Variants in HPSE2 observed in about 807,000 individuals in gnomAD.
The protein encoded by HPSE2 is heparanase 2 (inactive), also known as inactive heparanase-2.
In HPSE2, 38 loss-of-function variants were observed where a neutral mutation model predicts 60.5. The ratio of observed to expected loss-of-function variants is 0.63; its 90% CI spans 0.48 to 0.82. HPSE2 has a LOEUF of 0.82. Ranked by LOEUF, HPSE2 falls within the 40% of genes least tolerant of loss-of-function variation. The pLI, the probability that HPSE2 is intolerant of heterozygous loss-of-function variation, is 0.00. For missense variants in HPSE2, 713 were observed against 740.4 expected (o/e 0.96, Z 0.43); for synonymous variants, 295 against 293.2 (o/e 1.01, Z -0.06).
At chr10:99,131,092 T>C (rs1845365568) in intron 3 of HPSE2, among the ~76,000 whole-genome samples, 1 of 152,148 alleles carries the variant, frequency 6.6e-6, no homozygotes, top group Non-Finnish European at 1.5e-5. Flanking sequence ...AAAAATCATA[T>C]GATCATCTCA....
chr10:98,646,840 T>C (rs1265485305), intron 6 of HPSE2, among the ~76,000 whole-genome samples: 5 of 152,106 alleles, frequency 3.3e-5, no homozygotes, highest in African/African-American at 4.8e-5. Context: ...ATGAACAAAA[T>C]AGAAATAGGA....
chr10:99,022,325 C>T (rs1251488164), intron 3 of HPSE2, among the ~76,000 whole-genome samples: 1 of 152,122 alleles, frequency 6.6e-6, no homozygotes, highest in Non-Finnish European at 1.5e-5. Flanking sequence ...AAGGGAATCA[C>T]CAATCCCAGC....
intron 4 of HPSE2, among the ~76,000 whole-genome samples, chr10:98,732,564 G>T (rs192619587): frequency 1.6e-4 from 25 of 152,108 alleles, no homozygotes; most frequent in African/African-American, 5.1e-4. Context: ...ATGGTACTGG[G>T]AATCTCTATA....
intron 9 of HPSE2, among the ~76,000 whole-genome samples, chr10:98,602,393 A>T (rs1945453186): frequency 6.6e-6 from 1 of 152,194 alleles, no homozygotes; most frequent in South Asian, 2.1e-4. Context: ...GGCTGAAAAC[A>T]TTGGAAATTC....
intron 3 of HPSE2, among the ~76,000 whole-genome samples, chr10:98,799,681 G>A (rs1333390044): frequency 6.6e-6 from 1 of 151,882 alleles, no homozygotes; most frequent in East Asian, 1.9e-4. Context: ...GCTCCTGCCT[G>A]ACAAGTAAGT....
At chr10:98,780,051 A>T (rs939323127) in intron 3 of HPSE2, among the ~76,000 whole-genome samples, 6 of 152,096 alleles carry the variant, frequency 3.9e-5, no homozygotes, top group Non-Finnish European at 5.9e-5. Flanking sequence ...CATGAACTAA[A>T]ATTGTTTTCT....
chr10:98,708,911 T>C (rs1013942612), intron 5 of HPSE2, among the ~76,000 whole-genome samples: 2 of 152,178 alleles, frequency 1.3e-5, no homozygotes, highest in East Asian at 3.9e-4. Context: ...AATAATTAGA[T>C]ACAATTCCAA....
chr10:99,284,765 T>C, the HPSE2 span, among the ~76,000 whole-genome samples: 1 of 152,174 alleles, frequency 6.6e-6, no homozygotes, highest in Admixed American at 6.5e-5. Context: ...CATGGGAGTT[T>C]GTTATACAGA....
intron 5 of HPSE2, among the ~76,000 whole-genome samples, chr10:98,713,918 T>C (rs888038049): frequency 8.6e-5 from 13 of 151,970 alleles, no homozygotes; most frequent in African/African-American, 3.1e-4. Context: ...TCATATATTA[T>C]GTAAGGATAT....
At chr10:98,859,741 T>C (rs1246631284) in intron 3 of HPSE2, among the ~76,000 whole-genome samples, 4 of 152,160 alleles carry the variant, frequency 2.6e-5, no homozygotes, top group African/African-American at 9.7e-5. Context: ...CCAGCTTACA[T>C]AAAGCATATT....
At chr10:99,285,584 G>A in the HPSE2 span, among the ~76,000 whole-genome samples, 1 of 151,462 alleles carries the variant, frequency 6.6e-6, no homozygotes, top group Non-Finnish European at 1.5e-5. Flanking sequence ...GATGGAGGAA[G>A]GAAGGATAAA....
intron 9 of HPSE2, among the ~76,000 whole-genome samples, chr10:98,505,362 A>G (rs1312089741): frequency 6.6e-6 from 1 of 152,214 alleles, no homozygotes; most frequent in Non-Finnish European, 1.5e-5. Flanking sequence ...TGCTCATTAA[A>G]GTTTAAGAAG....
intron 6 of HPSE2, among the ~76,000 whole-genome samples, chr10:98,653,294 C>T (rs1946967464): frequency 6.6e-6 from 1 of 151,982 alleles, no homozygotes; most frequent in South Asian, 2.1e-4. Flanking sequence ...GTTTTTATAT[C>T]CTCCCTGACA....
chr10:98,549,942 T>C (rs529386648), intron 9 of HPSE2, among the ~76,000 whole-genome samples: 1 of 152,312 alleles, frequency 6.6e-6, no homozygotes, highest in South Asian at 2.1e-4. Flanking sequence ...TCCCAGATCA[T>C]ATCCCTGGCC....
rs142670311 is a variant in HPSE2 at position 98,951,328 on chromosome 10, G to C, written c.610+192910C>G. Among the ~76,000 whole-genome samples the C allele has an allele frequency of 3.1e-3, 477 of 152,202 alleles. 4 individuals carry two copies. The highest frequency in any genetic ancestry group is 0.011 in the African/African-American group (454 of 41,536). On this transcript the variant is annotated intron_variant, in intron 3 of 11. Coordinates refer to ENST00000370552, the MANE Select transcript of HPSE2 (RefSeq NM_021828.5). Reference sequence around the variant, plus strand: ...CATTCTTACAGAGCTGTTTTATTTTGTTTTTACAAGAAAATATACTGTCTT... The same window carrying C: ...CATTCTTACAGAGCTGTTTTATTTTCTTTTTACAAGAAAATATACTGTCTT...
At chr10:98,725,858 T>A (rs1949061723) in intron 4 of HPSE2, among the ~76,000 whole-genome samples, 1 of 152,150 alleles carries the variant, frequency 6.6e-6, no homozygotes, top group South Asian at 2.1e-4. Flanking sequence ...AAGAAGACAT[T>A]TATGCAGCCA....
Position 98,886,571 on chromosome 10 carries a change from G to A in HPSE2, c.611-142515C>T, listed in dbSNP as rs11189854. 1.0e-3 allele frequency among the ~76,000 whole-genome samples: 153 copies of A among 152,086 alleles called. 1 individual carries two copies. In the East Asian group the frequency reaches 0.027, roughly 27 times the overall value. ...GCCATAGAGAAGGCTCATGGCAAAC[G>A]TTAGGAAGATTCAAAGGAGAGAGAG... On this transcript the variant is annotated intron_variant, in intron 3 of 11. Transcript: ENST00000370552.
intron 3 of HPSE2, among the ~76,000 whole-genome samples, chr10:99,089,482 A>C: frequency 6.6e-6 from 1 of 152,078 alleles, no homozygotes; most frequent in East Asian, 1.9e-4. Context: ...GTTGGCCGTT[A>C]AGTATTTGGC....
chr10:99,174,571 T>A (rs925353702), intron 2 of HPSE2, among the ~76,000 whole-genome samples: 1 of 152,160 alleles, frequency 6.6e-6, no homozygotes, highest in African/African-American at 2.4e-5. Context: ...TGGTAACATG[T>A]CTAACCACAG....
Sources: gnomAD v4.1 joint callset for allele counts (sites outside exome capture counted in the v4.1 genomes callset) on GRCh38, gnomAD v4.1.1 for gene constraint, MANE v1.5 for transcripts, NCBI Gene and HGNC (gene_info 2026-07-23, HGNC 2026-07-21) for gene names.